The following DOCK8 variants were observed in gnomAD, a reference collection of about 807,000 sequenced individuals.
DOCK8 encodes the protein dedicator of cytokinesis 8.
In DOCK8, 141 loss-of-function variants were observed where a neutral mutation model predicts 245.6. That is an observed-to-expected ratio of 0.57 (90% confidence interval 0.50 to 0.66). The LOEUF (loss-of-function observed/expected upper bound fraction) is 0.66. Ranked by LOEUF, DOCK8 falls within the 30% of genes least tolerant of loss-of-function variation. The pLI is 0.00. For missense variants in DOCK8, 2,965 were observed against 2,603.4 expected (o/e 1.14, Z -3.02); for synonymous variants, 1,168 against 970.2 (o/e 1.20, Z -3.79).
At chr9:315,790 A>G (rs575744788) in intron 6 of DOCK8, among the ~76,000 whole-genome samples, 6 of 152,314 alleles carry the variant, frequency 3.9e-5, no homozygotes, top group Admixed American at 1.3e-4. Flanking sequence ...AATTTTCCCA[A>G]TGAAAATCTT....
chr9:350,827 A>G (rs2052130343), intron 14 of DOCK8, among the ~76,000 whole-genome samples: 2 of 152,360 alleles, frequency 1.3e-5, no homozygotes, highest in African/African-American at 4.8e-5. Context: ...GGGACCAGTC[A>G]GCCTGTCAGG....
At chr9:330,401 T>C (rs2050957046) in intron 9 of DOCK8, among the ~76,000 whole-genome samples, 1 of 152,136 alleles carries the variant, frequency 6.6e-6, no homozygotes, top group Non-Finnish European at 1.5e-5. Context: ...ACTTTAGAAG[T>C]CTTGCAGATG....
chr9:309,548 A>T lies in DOCK8; in HGVS notation c.529-2406A>T, dbSNP rs554859367. Among the ~76,000 whole-genome samples the T allele has an allele frequency of 3.3e-5, 5 of 152,328 alleles. No individual in the cohort carries two copies. The South Asian group carries it at 1.0e-3, about 32-fold the overall frequency. Reference sequence around the variant, plus strand: ...TTTTGCTGAGTCTTTGGTTCAAAGCATGCAGTTCCCAATTACAAAGACATT... The same window carrying T: ...TTTTGCTGAGTCTTTGGTTCAAAGCTTGCAGTTCCCAATTACAAAGACATT... On this transcript the variant is annotated intron_variant, in intron 5 of 47. Coordinates refer to ENST00000432829, the MANE Select transcript of DOCK8 (RefSeq NM_203447.4).
intron 27 of DOCK8, among the ~76,000 whole-genome samples, chr9:405,310 A>C (rs2055361587): frequency 6.6e-6 from 1 of 152,220 alleles, no homozygotes; most frequent in South Asian, 2.1e-4. Flanking sequence ...AAAGCCAAGA[A>C]TCCAATAAGC....
Position 463,701 on chromosome 9 carries a change from A to C in DOCK8, c.6239+14A>C. ...GAGTCAAAAGAGGTAAGAACAGGGC[A>C]GAGGAGGCCTCTTCCTGTGGGATAA... On this transcript the variant is annotated intron_variant, in intron 47 of 47. Transcript: ENST00000432829. The C allele has an allele frequency of 6.2e-7, 1 of 1,613,782 alleles. No individual in the cohort carries two copies. The highest frequency in any genetic ancestry group is 8.5e-7 in the Non-Finnish European group (1 of 1,180,016).
chr9:296,070 C>G (rs1266732101), intron 4 of DOCK8, among the ~76,000 whole-genome samples: 1 of 152,126 alleles, frequency 6.6e-6, no homozygotes, highest in Admixed American at 6.5e-5. Context: ...TAAATGATTT[C>G]CATTCTATCA....
chr9:304,820 A>G, intron 5 of DOCK8, 116 bp downstream of exon 5: 1 of 1,424,646 alleles, frequency 7.0e-7, no homozygotes, highest in Admixed American at 1.8e-5. Flanking sequence ...GAGTAGGAGG[A>G]ACTTTACCAT....
intron 1 of DOCK8, among the ~76,000 whole-genome samples, chr9:227,313 G>T (rs1215116714): frequency 1.3e-5 from 2 of 152,198 alleles, no homozygotes; most frequent in South Asian, 4.1e-4. Context: ...CCTCGTAGAG[G>T]TTTTGTTTAA....
At chr9:401,027 T>TCCACCACCACCACCACC (rs2055061026) in intron 26 of DOCK8, among the ~76,000 whole-genome samples, 2 of 113,950 alleles carry the variant, frequency 1.8e-5, no homozygotes, top group African/African-American at 3.3e-5. Context: ...GACCACCTCC[T>TCCACCACCACCACCACC]TCACCTCCAC....
intron 24 of DOCK8, among the ~76,000 whole-genome samples, chr9:394,632 C>G (rs967358779): frequency 1.3e-5 from 2 of 152,240 alleles, no homozygotes; most frequent in Non-Finnish European, 2.9e-5. Flanking sequence ...CTAGAAACTG[C>G]TGAGCCAGAC....
chr9:323,206 A>G (rs925812365), intron 7 of DOCK8, among the ~76,000 whole-genome samples: 1 of 148,670 alleles, frequency 6.7e-6, no homozygotes, highest in Non-Finnish European at 1.5e-5. Flanking sequence ...TATGTAACAT[A>G]AAATCTACCA....
intron 28 of DOCK8, 76 bp from the exon 29 acceptor site, chr9:414,706 C>T: frequency 1.3e-6 from 2 of 1,583,160 alleles, no homozygotes; most frequent in Non-Finnish European, 1.7e-6. Flanking sequence ...GCGTTTTCAT[C>T]ACTCTTGACT....
chr9:424,586 T>G (rs909462429), intron 33 of DOCK8, among the ~76,000 whole-genome samples: 1 of 152,076 alleles, frequency 6.6e-6, no homozygotes, highest in Non-Finnish European at 1.5e-5. Context: ...CTTTTTGTAT[T>G]TTTTGTAGAG....
At chr9:277,465 A>AGGGGAGGGGAGGG (rs2048395519) in intron 2 of DOCK8, among the ~76,000 whole-genome samples, 2 of 64,674 alleles carry the variant, frequency 3.1e-5, no homozygotes, top group African/African-American at 1.8e-4. Context: ...AAGAGAGAAG[A>AGGGGAGGGGAGGG]GAAGAGAAGA....
rs1461164419 is a variant in DOCK8 at position 451,975 on chromosome 9, ATATTTTTT to A, written c.5962-34_5962-27del. 318 of 224,974 alleles carry A rather than the reference ATATTTTTT, an allele frequency of 1.4e-3. 1 individual carries two copies. Among genetic ancestry groups the A allele is most frequent in the Admixed American group, 6.5e-3 (90 of 13,758 alleles). The allele number at this position is 224,974 out of a possible 1,614,324, so 13.9% of individuals were successfully genotyped here. On this transcript the variant is annotated intron_variant, in intron 45 of 47. Transcript: ENST00000432829. ...TGTGTGTATATATATATATATATAT[ATATTTTTT>A]TTTTTTTTTTTTTTTTTTTCCCACC...
chr9:273,526 A>G (rs2048224231), intron 2 of DOCK8, among the ~76,000 whole-genome samples: 1 of 152,216 alleles, frequency 6.6e-6, no homozygotes, highest in Admixed American at 6.5e-5. Flanking sequence ...TAAATTTTAA[A>G]CAAGGTAGAG....
intron 46 of DOCK8, among the ~76,000 whole-genome samples, chr9:458,641 C>A (rs1438009969): frequency 6.6e-6 from 1 of 151,962 alleles, no homozygotes; most frequent in African/African-American, 2.4e-5. Context: ...AAAACCTCGT[C>A]TTTACAAAAA....
chr9:335,929 C>T lies in DOCK8; in HGVS notation c.1286-653C>T, dbSNP rs138667272. On this transcript the variant is annotated intron_variant, in intron 11 of 47. Transcript: ENST00000432829. ...CAATTTGATTATTTACAAGAGAACC[C>T]ATGAGTTTTTGCAATATAAAAGCAA... Among the ~76,000 whole-genome samples the T allele has an allele frequency of 3.6e-3, 544 of 152,284 alleles. 2 individuals are homozygous for T. The highest frequency in any genetic ancestry group is 5.7e-3 in the Non-Finnish European group (389 of 68,026).
At position 328,126 on chromosome 9, in the gene DOCK8, C is replaced by T. The variant is rs2130826169; in HGVS notation, c.999C>T (p.Val333=). The stretch of plus-strand genomic sequence containing the variant: ...CATCAAGTCAGGCGAGATCTGCAGT[C>T]TTCTCAGTCACCTACCCGTCCTCAG... ...VAASSQARSA[V]FSVTYPSSDI... is the part of the protein sequence containing the mutation. The change falls in exon 9 of 48, where the codon GTC becomes GTT. Residue 333 remains valine (V), a synonymous_variant. Transcript: ENST00000432829. 1 of 1,614,202 alleles carries T rather than the reference C, an allele frequency of 6.2e-7. No individual in the cohort carries two copies. The highest frequency in any genetic ancestry group is 1.3e-5 in the African/African-American group (1 of 75,068).
Sources: gnomAD v4.1 joint callset for allele counts (sites outside exome capture counted in the v4.1 genomes callset) on GRCh38, gnomAD v4.1.1 for gene constraint, MANE v1.5 for transcripts, NCBI Gene and HGNC (gene_info 2026-07-23, HGNC 2026-07-21) for gene names.